The following HS6ST2 variants were observed in gnomAD, a reference collection of about 807,000 sequenced individuals.
HS6ST2 encodes the protein heparan sulfate 6-O-sulfotransferase 2, also known as heparan-sulfate 6-O-sulfotransferase 2.
Under a neutral mutation model 33.0 loss-of-function variants are expected in HS6ST2, and 17 were observed. That is an observed-to-expected ratio of 0.52 (90% CI 0.35 to 0.77). The LOEUF (loss-of-function observed/expected upper bound fraction) is 0.77, where lower values mean the gene tolerates loss of function less well. Ranked by LOEUF, HS6ST2 falls within the 30% of genes least tolerant of loss-of-function variation. HS6ST2 has a pLI of 0.01. For missense variants in HS6ST2, 519 were observed against 551.7 expected, an observed-to-expected ratio of 0.94 and a Z score of 0.59; for synonymous variants, 248 against 237.1, an observed-to-expected ratio of 1.05 and a Z score of -0.42.
intron 2 of HS6ST2, among the ~76,000 whole-genome samples, chrX:132,805,026 C>T (rs772261861): frequency 4.5e-5 from 5 of 111,093 alleles, no homozygotes; most frequent in Non-Finnish European, 9.4e-5. Context: ...TGCCACTGTC[C>T]ACAGATGTTC....
chrX:132,900,444 A>G (rs1182760296), intron 2 of HS6ST2, among the ~76,000 whole-genome samples: 1 of 111,673 alleles, frequency 9.0e-6, no homozygotes, highest in Non-Finnish European at 1.9e-5. Flanking sequence ...GGCCAGATAT[A>G]GTGGCTCATG....
At chrX:132,936,825 A>G (rs1453109328) in intron 2 of HS6ST2, among the ~76,000 whole-genome samples, 1 of 109,789 alleles carries the variant, frequency 9.1e-6, no homozygotes, top group Non-Finnish European at 1.9e-5. Context: ...CATCTAACAA[A>G]CCTGCGCATG....
chrX:132,672,457 C>A (rs1439007038), intron 3 of HS6ST2, among the ~76,000 whole-genome samples: 2 of 111,529 alleles, frequency 1.8e-5, no homozygotes, highest in Non-Finnish European at 3.8e-5. Flanking sequence ...AATCTCAAAC[C>A]TTATGTCCTA....
At chrX:132,660,871 A>ACTCAGAC (rs2063766434) in intron 4 of HS6ST2, among the ~76,000 whole-genome samples, 1 of 111,954 alleles carries the variant, frequency 8.9e-6, no homozygotes, top group African/African-American at 3.2e-5. Context: ...TTAATTGACT[A>ACTCAGAC]CTCACAGTTC....
At chrX:132,728,281 C>T (rs1180376919) in intron 2 of HS6ST2, among the ~76,000 whole-genome samples, 1 of 112,076 alleles carries the variant, frequency 8.9e-6, no homozygotes, top group Non-Finnish European at 1.9e-5. Context: ...CGGTTTCTCC[C>T]AGGGATTCAG....
chrX:132,660,519 G>T (rs895457558), intron 4 of HS6ST2, among the ~76,000 whole-genome samples: 4 of 111,071 alleles, frequency 3.6e-5, no homozygotes, highest in Admixed American at 1.9e-4. Context: ...GAACTTTAGG[G>T]TTTATTTTTC....
At chrX:132,858,637 A>T (rs1248149409) in intron 2 of HS6ST2, among the ~76,000 whole-genome samples, 1 of 111,912 alleles carries the variant, frequency 8.9e-6, no homozygotes, top group Non-Finnish European at 1.9e-5. Flanking sequence ...AGATAAGAAG[A>T]CACAAGATTG....
intron 2 of HS6ST2, among the ~76,000 whole-genome samples, chrX:132,870,492 G>T (rs996294458): frequency 1.8e-5 from 2 of 111,469 alleles, no homozygotes; most frequent in African/African-American, 6.5e-5. Context: ...AAAGCTGGAG[G>T]CATCACGCTA....
intron 3 of HS6ST2, among the ~76,000 whole-genome samples, chrX:132,694,131 G>A (rs1182410098): frequency 9.0e-6 from 1 of 111,653 alleles, no homozygotes; most frequent in Non-Finnish European, 1.9e-5. Flanking sequence ...AAAAATGAAT[G>A]AGACAACAGC....
intron 2 of HS6ST2, among the ~76,000 whole-genome samples, chrX:132,906,396 A>G (rs1195067014): frequency 1.8e-5 from 2 of 112,685 alleles, no homozygotes; most frequent in East Asian, 5.5e-4. Flanking sequence ...ATTTATTGTA[A>G]TAAATCCATA....
intron 2 of HS6ST2, among the ~76,000 whole-genome samples, chrX:132,919,966 C>A (rs1436115417): frequency 9.0e-6 from 1 of 111,603 alleles, no homozygotes; most frequent in African/African-American, 3.3e-5. Flanking sequence ...GAAAGATGAA[C>A]AAAGAACAAC....
At chrX:132,745,122 G>A (rs1428030846) in intron 2 of HS6ST2, among the ~76,000 whole-genome samples, 2 of 111,309 alleles carry the variant, frequency 1.8e-5, no homozygotes, top group Non-Finnish European at 3.8e-5. Flanking sequence ...GTCTTGCTGT[G>A]TCACCCAGGC....
At chrX:132,669,943 C>G (rs2063849714) in intron 3 of HS6ST2, 1 of 112,374 alleles carries the variant, frequency 8.9e-6, no homozygotes, top group South Asian at 3.7e-4. Context: ...TATTCTATTT[C>G]CTTTATCAAA....
At chrX:132,933,018 T>A (rs1281851855) in intron 2 of HS6ST2, among the ~76,000 whole-genome samples, 1 of 108,957 alleles carries the variant, frequency 9.2e-6, no homozygotes, top group Non-Finnish European at 1.9e-5. Context: ...TTGAAAAGAA[T>A]AATTGAAATT....
intron 2 of HS6ST2, among the ~76,000 whole-genome samples, chrX:132,709,518 T>C (rs992245395): frequency 1.8e-5 from 2 of 110,662 alleles, no homozygotes; most frequent in African/African-American, 6.6e-5. Flanking sequence ...AAGCCCCCTT[T>C]CCCTGTTTCT....
At chrX:132,911,891 C>A (rs922349993) in intron 2 of HS6ST2, among the ~76,000 whole-genome samples, 3 of 111,507 alleles carry the variant, frequency 2.7e-5, no homozygotes, top group African/African-American at 9.8e-5. Flanking sequence ...CCTGTCTCGG[C>A]CTCCCAAAGT....
intron 2 of HS6ST2, among the ~76,000 whole-genome samples, chrX:132,868,003 A>G (rs2066009341): frequency 8.9e-6 from 1 of 112,146 alleles, no homozygotes; most frequent in Non-Finnish European, 1.9e-5. Flanking sequence ...TTGGATAAAG[A>G]GTCAAGACCC....
chrX:132,948,927 G>A (rs1354422754), intron 2 of HS6ST2, among the ~76,000 whole-genome samples: 1 of 111,837 alleles, frequency 8.9e-6, no homozygotes, highest in African/African-American at 3.2e-5. Flanking sequence ...TGTACCTACG[G>A]TGTAGTTTCA....
chrX:132,637,772 T>A (rs1488771428), intron 4 of HS6ST2, among the ~76,000 whole-genome samples: 1 of 72,248 alleles, frequency 1.4e-5, no homozygotes, highest in African/African-American at 5.4e-5. Flanking sequence ...TATTATATAT[T>A]TATATATATA....
Sources: allele counts gnomAD v4.1 joint callset (sites outside exome capture counted in the v4.1 genomes callset), GRCh38; gene constraint gnomAD v4.1.1; transcripts MANE v1.5; gene names NCBI Gene and HGNC (gene_info 2026-07-23, HGNC 2026-07-21).